The following PPP1R16B variants were observed in gnomAD, a reference collection of about 807,000 sequenced individuals.
The protein encoded by PPP1R16B is protein phosphatase 1 regulatory inhibitor subunit 16B.
PPP1R16B carries 14 observed loss-of-function variants against 61.7 expected under a neutral mutation model. The observed-to-expected ratio is 0.23, with a 90% confidence interval of 0.15 to 0.35. The LOEUF (loss-of-function observed/expected upper bound fraction) is 0.35. Ranked by LOEUF, PPP1R16B falls within the 10% of genes least tolerant of loss-of-function variation. PPP1R16B has a pLI of 1.00. For missense variants in PPP1R16B, 547 were observed against 752.5 expected, an observed-to-expected ratio of 0.73 and a Z score of 3.19; for synonymous variants, 266 against 305.3, an observed-to-expected ratio of 0.87 and a Z score of 1.34.
intron 1 of PPP1R16B, among the ~76,000 whole-genome samples, chr20:38,834,734 T>C (rs958076791): frequency 6.6e-6 from 1 of 152,116 alleles, no homozygotes; most frequent in Non-Finnish European, 1.5e-5. Flanking sequence ...AGAATAGCAT[T>C]AATTCCTTTA....
rs146062773 is a variant in PPP1R16B, at chr20:38,895,840, C to T, written c.467+130C>T. On this transcript the variant is annotated intron_variant, in intron 4 of 10. Coordinates refer to ENST00000299824, the MANE Select transcript of PPP1R16B (RefSeq NM_015568.4). ...TTCCTCCTTCCTTCTTTCTCTCCTCCCTTCCTCCTTCCTTCTTTCTTCCCT... is the reference window on the plus strand; with the variant it reads ...TTCCTCCTTCCTTCTTTCTCTCCTCTCTTCCTCCTTCCTTCTTTCTTCCCT... 4,041 of 817,842 alleles carry T rather than the reference C, an allele frequency of 4.9e-3. 44 individuals carry two copies. The highest frequency in any genetic ancestry group is 0.013 in the African/African-American group (652 of 48,358). The allele number at this position is 817,842 out of a possible 1,614,324, so 50.7% of individuals were successfully genotyped here.
intron 2 of PPP1R16B, among the ~76,000 whole-genome samples, chr20:38,865,576 C>T (rs111445439): frequency 1.0e-3 from 153 of 152,264 alleles, no homozygotes; most frequent in African/African-American, 3.3e-3. Context: ...CAGGCGTGAG[C>T]CGCCGCGCCC....
At chr20:38,853,553 C>T (rs2084983176) in intron 2 of PPP1R16B, among the ~76,000 whole-genome samples, 1 of 152,310 alleles carries the variant, frequency 6.6e-6, no homozygotes, top group East Asian at 1.9e-4. Context: ...CTGGGCACCA[C>T]AAAAGTAGTA....
chr20:38,812,640 G>T (rs780870102), intron 1 of PPP1R16B, among the ~76,000 whole-genome samples: 2 of 152,134 alleles, frequency 1.3e-5, no homozygotes, highest in Non-Finnish European at 2.9e-5. Context: ...CAATTTATTG[G>T]GAAGGTTTAT....
intron 2 of PPP1R16B, among the ~76,000 whole-genome samples, chr20:38,886,998 A>T (rs2085249636): frequency 1.3e-5 from 2 of 152,214 alleles, no homozygotes; most frequent in Admixed American, 1.3e-4. Context: ...GGGTATATAT[A>T]ACAGGAGCCT....
In PPP1R16B at chr20:38,806,924, G is replaced by A. The variant is rs935723041; in HGVS notation, c.-102+1132G>A. ...GATGTGGCTTCATCAGCGCTTCTAG[G>A]AACCGAAAACCGAGCTGCCTGCGCG... On this transcript the variant is annotated intron_variant, in intron 1 of 10. Coordinates refer to ENST00000299824, the MANE Select transcript of PPP1R16B (RefSeq NM_015568.4). This position sits in a 1 kb window ranked among gnomAD's most constrained non-coding sequence, Gnocchi z 4.5. Among the ~76,000 whole-genome samples, 4 of 152,200 alleles carry A rather than the reference G, an allele frequency of 2.6e-5. No individual in the cohort carries two copies. The highest frequency in any genetic ancestry group is 1.5e-5 in the Non-Finnish European group (1 of 68,030).
At chr20:38,858,476 A>G (rs920834179) in intron 2 of PPP1R16B, among the ~76,000 whole-genome samples, 1 of 152,184 alleles carries the variant, frequency 6.6e-6, no homozygotes, top group East Asian at 1.9e-4. Context: ...AACACAGGGC[A>G]TATCATTTTG....
intron 2 of PPP1R16B, 39 bp from the exon 3 acceptor site, chr20:38,889,556 G>A (rs2085275798): frequency 6.6e-7 from 1 of 1,520,444 alleles, no homozygotes; most frequent in South Asian, 1.1e-5. Context: ...CACACCCAGT[G>A]TGCAACGGGA....
chr20:38,847,357 T>C (rs981615083), intron 2 of PPP1R16B, among the ~76,000 whole-genome samples: 5 of 152,230 alleles, frequency 3.3e-5, no homozygotes, highest in African/African-American at 1.2e-4. Context: ...CTAGTTTGTT[T>C]TTTTGTTGTT....
At chr20:38,859,201 T>A (rs2085029766) in intron 2 of PPP1R16B, among the ~76,000 whole-genome samples, 1 of 152,152 alleles carries the variant, frequency 6.6e-6, no homozygotes, top group African/African-American at 2.4e-5. Context: ...ATTTTGAAGT[T>A]TATCTCTTGC....
chr20:38,900,285 T>C (rs1014719719), intron 4 of PPP1R16B, among the ~76,000 whole-genome samples: 1 of 152,232 alleles, frequency 6.6e-6, no homozygotes, highest in Non-Finnish European at 1.5e-5. Flanking sequence ...CTTTTATATC[T>C]GTCCCTAAGT....
chr20:38,914,090 G>A (rs2085513415), intron 10 of PPP1R16B, among the ~76,000 whole-genome samples: 1 of 151,966 alleles, frequency 6.6e-6, no homozygotes, highest in South Asian at 2.1e-4. Flanking sequence ...GGCTGAGGCA[G>A]GAGAATCACT....
At chr20:38,911,340 G>T (rs542833477) in intron 10 of PPP1R16B, among the ~76,000 whole-genome samples, 1 of 145,426 alleles carries the variant, frequency 6.9e-6, no homozygotes, top group East Asian at 2.2e-4. Context: ...CTAATTTTTT[G>T]TATTTTCAGT....
At chr20:38,852,768 T>TG (rs2084977923) in intron 2 of PPP1R16B, among the ~76,000 whole-genome samples, 1 of 62,334 alleles carries the variant, frequency 1.6e-5, no homozygotes, top group Non-Finnish European at 3.0e-5. Context: ...TTTTTTTTTT[T>TG]GCGGGGGGTG....
At position 38,845,406 on chromosome 20, in the gene PPP1R16B, C is replaced by T. The variant is rs188687961; in HGVS notation, c.250+9231C>T. On this transcript the variant is annotated intron_variant, in intron 2 of 10. Transcript: ENST00000299824. ...AGACTGCAATGAGCTGTGATGGTGCCACTATACTCCAGCCTAAGTGACAGA... is the reference window on the plus strand; with the variant it reads ...AGACTGCAATGAGCTGTGATGGTGCTACTATACTCCAGCCTAAGTGACAGA... 2.3e-3 allele frequency among the ~76,000 whole-genome samples: 346 copies of T among 152,224 alleles called. 5 individuals carry two copies. Among genetic ancestry groups the T allele is most frequent in the African/African-American group, 7.9e-3 (330 of 41,536 alleles).
intron 4 of PPP1R16B, among the ~76,000 whole-genome samples, chr20:38,897,915 A>G (rs755901074): frequency 8.5e-5 from 13 of 152,158 alleles, no homozygotes; most frequent in Non-Finnish European, 1.3e-4. Flanking sequence ...AGAAATGTCT[A>G]TTCAAGTCCT....
intron 2 of PPP1R16B, among the ~76,000 whole-genome samples, chr20:38,859,784 C>T (rs912139044): frequency 1.3e-5 from 2 of 152,096 alleles, no homozygotes; most frequent in Non-Finnish European, 2.9e-5. Flanking sequence ...AGCCACTGTG[C>T]CTGGCTAGTA....
chr20:38,862,880 G>A (rs977977389), intron 2 of PPP1R16B, among the ~76,000 whole-genome samples: 5 of 152,178 alleles, frequency 3.3e-5, no homozygotes, highest in Non-Finnish European at 7.4e-5. Flanking sequence ...GGCTCACCCA[G>A]CCACTGCTTG....
chr20:38,888,919 A>C (rs961336148), intron 2 of PPP1R16B, among the ~76,000 whole-genome samples: 2 of 147,768 alleles, frequency 1.4e-5, no homozygotes, highest in Non-Finnish European at 3.0e-5. Flanking sequence ...ACACACACAC[A>C]CACACACACC....
Sources: gnomAD v4.1 joint callset for allele counts (sites outside exome capture counted in the v4.1 genomes callset) on GRCh38, gnomAD v4.1.1 for gene constraint, Gnocchi (gnomAD v3.1) non-coding constraint, MANE v1.5 for transcripts, NCBI Gene and HGNC (gene_info 2026-07-23, HGNC 2026-07-21) for gene names.